GRID1: variants seen among roughly 807,000 people sequenced by gnomAD.
GRID1 encodes the protein glutamate receptor ionotropic, delta-1.
A neutral mutation model predicts 98.0 loss-of-function variants in GRID1; 28 were observed. The ratio of observed to expected loss-of-function variants is 0.29; its 90% confidence interval spans 0.21 to 0.39. The LOEUF (loss-of-function observed/expected upper bound fraction) is 0.39. Among genes scored for constraint, GRID1 ranks in the 10% least tolerant of loss-of-function variants. The pLI, the probability that GRID1 is intolerant of heterozygous loss-of-function variation, is 1.00. For synonymous variants in GRID1, 553 were observed against 538.5 expected (o/e 1.03, Z -0.37); for missense variants, 1,111 against 1,340.5 (o/e 0.83, Z 2.67).
chr10:86,311,764 C>T (rs919964743), intron 2 of GRID1, among the ~76,000 whole-genome samples: 1 of 152,168 alleles, frequency 6.6e-6, no homozygotes, highest in African/African-American at 2.4e-5. Flanking sequence ...GGGAGGCTGA[C>T]GTGGGAGGAC....
intron 4 of GRID1, among the ~76,000 whole-genome samples, chr10:86,085,247 G>A (rs1844034549): frequency 1.3e-5 from 2 of 152,192 alleles, no homozygotes; most frequent in African/African-American, 4.8e-5. Context: ...TGGGTCCTCG[G>A]CTTGTTTCCC....
At chr10:86,117,247 C>T (rs1263597732) in intron 4 of GRID1, among the ~76,000 whole-genome samples, 2 of 151,238 alleles carry the variant, frequency 1.3e-5, no homozygotes, top group African/African-American at 2.4e-5. Flanking sequence ...ACCATCAGCA[C>T]TACCACTATC....
intron 13 of GRID1, among the ~76,000 whole-genome samples, chr10:85,645,363 A>G (rs1259135670): frequency 6.6e-6 from 1 of 152,252 alleles, no homozygotes. Flanking sequence ...TACAGCCACA[A>G]AGATTCACTG....
At chr10:85,842,076 A>G (rs1424543292) in intron 8 of GRID1, among the ~76,000 whole-genome samples, 1 of 152,146 alleles carries the variant, frequency 6.6e-6, no homozygotes, top group East Asian at 1.9e-4. Context: ...AATTAACCTA[A>G]ATGCCCATCA....
intron 3 of GRID1, among the ~76,000 whole-genome samples, chr10:86,150,330 G>A (rs1217515363): frequency 1.3e-5 from 2 of 152,190 alleles, no homozygotes; most frequent in Admixed American, 1.3e-4. Flanking sequence ...GGCTTGTGAG[G>A]AAGGCTAACC....
intron 3 of GRID1, among the ~76,000 whole-genome samples, chr10:86,202,378 T>C (rs1217524466): frequency 6.6e-6 from 1 of 152,254 alleles, no homozygotes; most frequent in Non-Finnish European, 1.5e-5. Context: ...TTCATCCAAA[T>C]TTATTCACTA....
At chr10:85,824,304 C>T (rs1285021862) in intron 8 of GRID1, among the ~76,000 whole-genome samples, 2 of 152,112 alleles carry the variant, frequency 1.3e-5, no homozygotes, top group Non-Finnish European at 2.9e-5. Flanking sequence ...CTCCACCTCC[C>T]GGGTTCAAGT....
At chr10:86,218,641 T>C (rs1310703598) in intron 2 of GRID1, among the ~76,000 whole-genome samples, 2 of 152,192 alleles carry the variant, frequency 1.3e-5, no homozygotes, top group Non-Finnish European at 2.9e-5. Flanking sequence ...CACTGTCACC[T>C]GTTGGCCCCT....
chr10:86,306,066 A>G (rs1847754917), intron 2 of GRID1, among the ~76,000 whole-genome samples: 1 of 152,234 alleles, frequency 6.6e-6, no homozygotes, highest in South Asian at 2.1e-4. Flanking sequence ...TCAGCCATGG[A>G]AAAGATGACT....
At chr10:85,764,431 G>T (rs1842177440) in intron 8 of GRID1, among the ~76,000 whole-genome samples, 1 of 152,196 alleles carries the variant, frequency 6.6e-6, no homozygotes, top group South Asian at 2.1e-4. Context: ...CCCAAAGTGG[G>T]CAGAGAGAGT....
chr10:85,791,014 G>A (rs1434816642), intron 8 of GRID1, among the ~76,000 whole-genome samples: 2 of 152,178 alleles, frequency 1.3e-5, no homozygotes, highest in Non-Finnish European at 2.9e-5. Flanking sequence ...TTCTAATCCT[G>A]CCTTTCCCAG....
At chr10:86,211,426 CTGTGT>C (rs1251514203) in intron 2 of GRID1, among the ~76,000 whole-genome samples, 1 of 152,222 alleles carries the variant, frequency 6.6e-6, no homozygotes, top group African/African-American at 2.4e-5. Flanking sequence ...CACCTGCACC[CTGTGT>C]CCTGGGAAAG....
chr10:85,828,947 A>G (rs1339941951), intron 8 of GRID1, among the ~76,000 whole-genome samples: 1 of 152,190 alleles, frequency 6.6e-6, no homozygotes, highest in Non-Finnish European at 1.5e-5. Context: ...ACTCTTTCCT[A>G]ACTTATTCTA....
chr10:86,118,267 T>A (rs1389363876), intron 4 of GRID1, among the ~76,000 whole-genome samples: 1 of 152,152 alleles, frequency 6.6e-6, no homozygotes, highest in Admixed American at 6.5e-5. Context: ...CTCACTCATA[T>A]ATGGGAGCTA....
intron 12 of GRID1, among the ~76,000 whole-genome samples, chr10:85,654,008 C>T (rs1410124433): frequency 3.3e-5 from 5 of 152,176 alleles, no homozygotes; most frequent in African/African-American, 4.8e-5. Context: ...AAAGCCTAGT[C>T]GGTGTGATTC....
intron 4 of GRID1, among the ~76,000 whole-genome samples, chr10:86,017,085 A>G (rs749887869): frequency 1.3e-5 from 2 of 152,238 alleles, no homozygotes; most frequent in Non-Finnish European, 2.9e-5. Flanking sequence ...TTACAGACAC[A>G]AAGTATTGGA....
At chr10:85,883,510 GTCTCTC>G (rs72270077) in intron 5 of GRID1, among the ~76,000 whole-genome samples, 1 of 136,840 alleles carries the variant, frequency 7.3e-6, no homozygotes, top group Non-Finnish European at 1.6e-5. Context: ...CTCTCTCTCT[GTCTCTC>G]TCTCTCTCTC....
intron 15 of GRID1, among the ~76,000 whole-genome samples, chr10:85,608,045 C>T (rs926539878): frequency 1.3e-5 from 2 of 152,088 alleles, no homozygotes; most frequent in African/African-American, 4.8e-5. Context: ...TCTCCAACTC[C>T]TGGCTTCAAG....
At chr10:85,856,505 G>A (rs1226788399) in intron 6 of GRID1, among the ~76,000 whole-genome samples, 1 of 152,204 alleles carries the variant, frequency 6.6e-6, no homozygotes, top group Non-Finnish European at 1.5e-5. Flanking sequence ...AGGGAGGATG[G>A]AGGGAAGGAT....
Sources: allele counts gnomAD v4.1 joint callset (sites outside exome capture counted in the v4.1 genomes callset), GRCh38; gene constraint gnomAD v4.1.1; transcripts MANE v1.5; gene names NCBI Gene and HGNC (gene_info 2026-07-23, HGNC 2026-07-21).